Variants in ZNF888 observed in about 807,000 individuals in gnomAD.
The protein encoded by ZNF888 is zinc finger protein 888, also known as CTD-2331H12.6.
A neutral mutation model predicts 7.2 loss-of-function variants in ZNF888; 5 were observed. The ratio of observed to expected loss-of-function variants is 0.70; its 90% CI spans 0.36 to 1.46. The LOEUF (loss-of-function observed/expected upper bound fraction) is 1.46. Ranked by LOEUF, ZNF888 falls within the 40% of genes most tolerant of loss-of-function variation. The pLI is 0.03. For missense variants in ZNF888, 716 were observed against 858.0 expected (o/e 0.83, Z 2.07); for synonymous variants, 240 against 284.3 (o/e 0.84, Z 1.57).
chr19:52,922,722 A>G (rs1005997544), intron 1 of ZNF888, among the ~76,000 whole-genome samples: 3 of 152,154 alleles, frequency 2.0e-5, no homozygotes, highest in East Asian at 1.9e-4. Flanking sequence ...TGGCCCACAC[A>G]ATCACAGGAG....
rs996054901 is a variant in ZNF888, at chr19:52,913,732, C to T, written c.142+1464G>A. On this transcript the variant is annotated intron_variant, in intron 4 of 4. Transcript: ENST00000638862. ...ATCTATACGACACACTTCACTTCTG[C>T]GTACTGAAAGGAATGGACACTAACG... 4.0e-5 allele frequency: 39 copies of T among 984,572 alleles called. No homozygotes were observed. The South Asian group carries it at 6.1e-4, about 15-fold the overall frequency. The allele number at this position is 984,572 out of a possible 1,614,324, so 61.0% of individuals were successfully genotyped here. A position where few individuals can be genotyped will look rare whatever the true frequency, so the allele number is the denominator to read the frequency against.
chr19:52,908,844 CAAAAAA>C (rs11326533), intron 4 of ZNF888, among the ~76,000 whole-genome samples: 1 of 81,232 alleles, frequency 1.2e-5, no homozygotes. Flanking sequence ...AGACTCGAGT[CAAAAAA>C]AAAAAAAAAA....
At position 52,906,800 on chromosome 19, in the gene ZNF888, G is replaced by A. The variant is rs2064614416; in HGVS notation, c.1522C>T (p.His508Tyr). 1 of 1,613,362 alleles carries A rather than the reference G, an allele frequency of 6.2e-7. No individual in the cohort carries two copies. ...VCDKAFRRDS[H>Y]LAQHTVIHTG... The stretch of plus-strand genomic sequence containing the variant: ...TGAATTACAGTATGTTGTGCCAGGT[G>A]TGAATCACGTCTGAAAGCCTTGTCA... Residue 508 changes from histidine to tyrosine, a missense_variant, in exon 5 of 5, where the codon CAC becomes TAC. Coordinates refer to ENST00000638862, the MANE Select transcript of ZNF888 (RefSeq NM_001393938.1).
At chr19:52,912,926 G>A (rs560194821) in intron 4 of ZNF888, among the ~76,000 whole-genome samples, 3 of 152,110 alleles carry the variant, frequency 2.0e-5, no homozygotes, top group Non-Finnish European at 4.4e-5. Context: ...TAACCTACAA[G>A]GAGAAACCCT....
rs781169174 is a variant in ZNF888 at position 52,917,908 on chromosome 19, G to A, written c.-35C>T. On this transcript the variant is annotated 5_prime_UTR_variant, in exon 3 of 5. Coordinates refer to ENST00000638862, the MANE Select transcript of ZNF888 (RefSeq NM_001393938.1). ...CTTTGCTTTCCTCTTCCTCTTCTGA[G>A]TTTCTTCTTCACATACCCAGAGTCT... 6.2e-7 allele frequency: 1 copy of A among 1,610,808 alleles called. No individual in the cohort carries two copies. Among genetic ancestry groups the A allele is most frequent in the South Asian group, 1.1e-5 (1 of 91,064 alleles).
intron 1 of ZNF888, among the ~76,000 whole-genome samples, chr19:52,920,533 G>GAAAAAAAAAAA (rs1175516942): frequency 8.1e-5 from 2 of 24,800 alleles, no homozygotes; most frequent in Non-Finnish European, 1.7e-4. Flanking sequence ...AAAAGAAAAG[G>GAAAAAAAAAAA]AAAAAAAAAA....
chr19:52,907,430 A>G lies in ZNF888; in HGVS notation c.892T>C (p.Tyr298His). Residue 298 changes from tyrosine to histidine, a missense_variant, in exon 5 of 5, where the codon TAC (tyrosine) becomes CAC (histidine). Tyr to His is a moderately conservative substitution (Grantham distance 83). Around this residue, in one of 2 missense-constraint regions of ZNF888, gnomAD observed 697 missense variants for 803.4 expected, o/e 0.87. Transcript: ENST00000638862. ...HYRRHTGEKP[Y>H]KCNECGKTFS... ...GTCTTGCCACACTCATTACACTTGT[A>G]AGGTTTTTCTCCAGTATGACGTCTA... The G allele has an allele frequency of 6.2e-7, 1 of 1,611,610 alleles. No individual in the cohort carries two copies. Among genetic ancestry groups the G allele is most frequent in the Non-Finnish European group, 8.5e-7 (1 of 1,178,726 alleles).
At chr19:52,916,560 A>G (rs1203075198) in intron 3 of ZNF888, among the ~76,000 whole-genome samples, 2 of 149,662 alleles carry the variant, frequency 1.3e-5, no homozygotes, top group African/African-American at 4.9e-5. Context: ...GTGTGTATAT[A>G]TATTATATAC....
chr19:52,914,619 A>G (rs879677263), intron 4 of ZNF888, among the ~76,000 whole-genome samples: 9 of 152,218 alleles, frequency 5.9e-5, no homozygotes, highest in Non-Finnish European at 1.0e-4. Context: ...AATCGAAAGC[A>G]CAGGAGAAGC....
At position 52,907,475 on chromosome 19, in the gene ZNF888, C is replaced by CT. The variant is rs1275270982; in HGVS notation, c.846dup (p.Ala283SerfsTer8). 2.5e-6 allele frequency: 4 copies of CT among 1,602,788 alleles called. No individual in the cohort carries two copies. The African/African-American group carries it at 4.0e-5, about 16-fold the overall frequency. On this transcript the variant is annotated frameshift_variant, in exon 5 of 5. Coordinates refer to ENST00000638862, the MANE Select transcript of ZNF888 (RefSeq NM_001393938.1). LOFTEE classifies it low-confidence loss of function (END_TRUNC). The stretch of plus-strand genomic sequence containing the variant: ...CGTCTATAATGACGTGCAAGGTATG[C>CT]TTTTTTATTAAAAACCTTGCCACAT...
chr19:52,914,949 C>T (rs916565710), intron 4 of ZNF888, among the ~76,000 whole-genome samples: 1 of 152,198 alleles, frequency 6.6e-6, no homozygotes, highest in Non-Finnish European at 1.5e-5. Flanking sequence ...GCGTGAGCCA[C>T]CATGCCCAGC....
Position 52,918,064 on chromosome 19 carries a change from C to T in ZNF888, c.-58-133G>A, listed in dbSNP as rs1033168663. On this transcript the variant is annotated intron_variant, in intron 2 of 4. Transcript: ENST00000638862. Reference sequence around the variant, plus strand: ...AAATATGGTCCACTCTGCTGCCCACCATACCAGGGACAATAAACTCCTATA... The same window carrying T: ...AAATATGGTCCACTCTGCTGCCCACTATACCAGGGACAATAAACTCCTATA... The T allele has an allele frequency of 4.2e-6, 6 of 1,443,740 alleles. No homozygotes were observed. The African/African-American group carries it at 8.6e-5, about 21-fold the overall frequency. The allele number at this position is 1,443,740 out of a possible 1,614,324, so 89.4% of individuals were successfully genotyped here.
rs1038127639 is a variant in ZNF888, at chr19:52,907,772, T to G, written c.550A>C (p.Lys184Gln). The G allele has an allele frequency of 1.1e-4, 170 of 1,614,150 alleles. 1 individual carries two copies. The Middle Eastern group carries it at 3.0e-3, about 28-fold the overall frequency. ...STSQRISCRP[K>Q]THISNNYGNN... ...CCATAGTTATTAGAAATATGGGTTT[T>G]GGGCCTACAAGAAATTCTTTGGGAT... The change falls in exon 5 of 5, where the codon AAA (lysine) becomes CAA (glutamine). Residue 184 changes from lysine to glutamine, a missense_variant. Transcript: ENST00000638862.
chr19:52,919,969 G>A (rs1260533152), intron 1 of ZNF888, among the ~76,000 whole-genome samples: 13 of 50,020 alleles, frequency 2.6e-4, no homozygotes, highest in East Asian at 6.8e-4. Flanking sequence ...CCGGCCAGCC[G>A]CCCCGTCCGG....
At chr19:52,919,977 C>CGGGA (rs1568749980) in intron 1 of ZNF888, among the ~76,000 whole-genome samples, 8 of 49,652 alleles carry the variant, frequency 1.6e-4, no homozygotes, top group South Asian at 1.2e-3. Context: ...CCGCCCCGTC[C>CGGGA]GGGAGGTGAG....
chr19:52,916,867 A>G (rs1010078964), intron 3 of ZNF888, among the ~76,000 whole-genome samples: 1 of 151,858 alleles, frequency 6.6e-6, no homozygotes, highest in Non-Finnish European at 1.5e-5. Flanking sequence ...AGCCAAGATC[A>G]TGCCACTGCA....
At position 52,905,919 on chromosome 19, in the gene ZNF888, T is replaced by A; in HGVS notation, c.*246A>T. 1 of 800,828 alleles carries A rather than the reference T, an allele frequency of 1.2e-6. No individual in the cohort carries two copies. The allele number at this position is 800,828 out of a possible 1,614,324, so 49.6% of individuals were successfully genotyped here. A position where few individuals can be genotyped will look rare whatever the true frequency, so the allele number is the denominator to read the frequency against. ...GCTTTGCTCACAATCATCACACTTGTGAGGTTTCTCTCCTGTATGAATTCT... is the reference window on the plus strand; with the variant it reads ...GCTTTGCTCACAATCATCACACTTGAGAGGTTTCTCTCCTGTATGAATTCT... On this transcript the variant is annotated 3_prime_UTR_variant, in exon 5 of 5. Transcript: ENST00000638862.
intron 4 of ZNF888, among the ~76,000 whole-genome samples, chr19:52,913,104 T>C: frequency 6.6e-6 from 1 of 152,140 alleles, no homozygotes; most frequent in East Asian, 1.9e-4. Flanking sequence ...CAAAATTATG[T>C]CTCATAAACA....
rs2064603173 is a variant in ZNF888 at position 52,906,031 on chromosome 19, T to A, written c.*134A>T. 7.5e-7 allele frequency: 1 copy of A among 1,336,606 alleles called. No individual in the cohort carries two copies. The highest frequency in any genetic ancestry group is 2.3e-5 in the East Asian group (1 of 43,488). The allele number at this position is 1,336,606 out of a possible 1,614,324, so 82.8% of individuals were successfully genotyped here. A position where few individuals can be genotyped will look rare whatever the true frequency, so the allele number is the denominator to read the frequency against. On this transcript the variant is annotated 3_prime_UTR_variant, in exon 5 of 5. Coordinates refer to ENST00000638862, the MANE Select transcript of ZNF888 (RefSeq NM_001393938.1). ...TTTCTCTCCAGTATGAGTTCACCCA[T>A]GAACTACAGCGTATGAACGATGTCT...
Sources: gnomAD v4.1 joint callset for allele counts (sites outside exome capture counted in the v4.1 genomes callset) on GRCh38, gnomAD v4.1.1 for gene constraint, gnomAD v4.1.1 regional missense constraint, MANE v1.5 for transcripts, NCBI Gene and HGNC (gene_info 2026-07-23, HGNC 2026-07-21) for gene names.